The following NKAIN2 variants were observed in gnomAD, a reference collection of about 807,000 sequenced individuals.
The protein encoded by NKAIN2 is sodium/potassium transporting ATPase interacting 2.
A neutral mutation model predicts 32.6 loss-of-function variants in NKAIN2; 14 were observed. The observed-to-expected ratio is 0.43, with a 90% CI of 0.28 to 0.67. The LOEUF is 0.67. NKAIN2 is among the 30% of genes least tolerant of loss of function. NKAIN2 has a pLI of 0.17. For missense variants in NKAIN2, 198 were observed against 258.3 expected, an observed-to-expected ratio of 0.77 and a Z score of 1.60; for synonymous variants, 80 against 87.2, an observed-to-expected ratio of 0.92 and a Z score of 0.46.
chr6:124,506,991 C>T (rs1275929161), intron 3 of NKAIN2, among the ~76,000 whole-genome samples: 1 of 152,206 alleles, frequency 6.6e-6, no homozygotes, highest in African/African-American at 2.4e-5. Flanking sequence ...CTCCAAGTGA[C>T]TCATGGGAAC....
At chr6:124,149,734 G>T (rs1344835037) in intron 1 of NKAIN2, among the ~76,000 whole-genome samples, 1 of 152,108 alleles carries the variant, frequency 6.6e-6, no homozygotes, top group Non-Finnish European at 1.5e-5. Flanking sequence ...TACATACCCC[G>T]ATTTTGTTCT....
intron 1 of NKAIN2, among the ~76,000 whole-genome samples, chr6:124,151,906 AT>A (rs1164454177): frequency 1.3e-5 from 2 of 151,864 alleles, no homozygotes; most frequent in African/African-American, 4.8e-5. Flanking sequence ...AACTCTTTAT[AT>A]TTTTTCTATA....
chr6:124,244,224 A>G (rs1015800270), intron 1 of NKAIN2, among the ~76,000 whole-genome samples: 5 of 143,158 alleles, frequency 3.5e-5, no homozygotes, highest in East Asian at 2.2e-4. Context: ...ATATCTCCCA[A>G]AGCTATCCCT....
At chr6:123,900,759 G>A (rs9490994) in intron 1 of NKAIN2, among the ~76,000 whole-genome samples, 1 of 151,884 alleles carries the variant, frequency 6.6e-6, no homozygotes, top group East Asian at 1.9e-4. Context: ...TTTTATGTCA[G>A]AAGCTGACCA....
intron 3 of NKAIN2, among the ~76,000 whole-genome samples, chr6:124,471,189 G>T (rs1338973731): frequency 6.6e-6 from 1 of 152,068 alleles, no homozygotes; most frequent in Non-Finnish European, 1.5e-5. Context: ...GGTTGATAAG[G>T]TCATTTATAT....
chr6:124,553,945 TGA>T (rs1267065409), intron 3 of NKAIN2, among the ~76,000 whole-genome samples: 1 of 152,214 alleles, frequency 6.6e-6, no homozygotes, highest in Non-Finnish European at 1.5e-5. Context: ...AATTTTTATG[TGA>T]GTCTTGAGTA....
intron 2 of NKAIN2, among the ~76,000 whole-genome samples, chr6:124,289,157 A>G (rs1482599790): frequency 6.6e-6 from 1 of 152,316 alleles, no homozygotes; most frequent in South Asian, 2.1e-4. Flanking sequence ...ATAAAAAAGT[A>G]AATATTTCTT....
intron 1 of NKAIN2, among the ~76,000 whole-genome samples, chr6:124,153,735 TTAATTA>T (rs1183230143): frequency 6.6e-6 from 1 of 151,754 alleles, no homozygotes; most frequent in Non-Finnish European, 1.5e-5. Flanking sequence ...TTAAATTCAT[TTAATTA>T]TAATTGTTTA....
At chr6:124,212,401 T>C (rs1013183164) in intron 1 of NKAIN2, among the ~76,000 whole-genome samples, 2 of 152,102 alleles carry the variant, frequency 1.3e-5, no homozygotes, top group African/African-American at 2.4e-5. Flanking sequence ...ATGCTTAGAA[T>C]AATTTGGGCA....
chr6:124,016,907 G>C (rs1040742952), intron 1 of NKAIN2, among the ~76,000 whole-genome samples: 4 of 152,180 alleles, frequency 2.6e-5, no homozygotes, highest in Admixed American at 2.6e-4. Flanking sequence ...ACTTGTGGTA[G>C]ACTAAGATGA....
At chr6:124,062,298 A>AT (rs763376837) in intron 1 of NKAIN2, among the ~76,000 whole-genome samples, 9 of 152,184 alleles carry the variant, frequency 5.9e-5, no homozygotes, top group African/African-American at 1.2e-4. Context: ...AGTATAGGAC[A>AT]TTTTGTTGAT....
chr6:124,563,507 A>G (rs985599355), intron 3 of NKAIN2, among the ~76,000 whole-genome samples: 1 of 151,990 alleles, frequency 6.6e-6, no homozygotes, highest in Non-Finnish European at 1.5e-5. Context: ...CTCCTTTTGT[A>G]CTTTCCAGGA....
At chr6:124,685,875 A>T (rs975020145) in intron 4 of NKAIN2, among the ~76,000 whole-genome samples, 1 of 152,178 alleles carries the variant, frequency 6.6e-6, no homozygotes, top group Non-Finnish European at 1.5e-5. Context: ...AAAACAACAC[A>T]CATTCATTAT....
chr6:124,464,457 TA>T (rs1776661858), intron 3 of NKAIN2, among the ~76,000 whole-genome samples: 1 of 152,060 alleles, frequency 6.6e-6, no homozygotes. Flanking sequence ...CCTAAATTGT[TA>T]CTTAGTGAAG....
intron 2 of NKAIN2, among the ~76,000 whole-genome samples, chr6:124,354,682 T>A (rs1248586260): frequency 2.0e-5 from 3 of 152,130 alleles, no homozygotes; most frequent in African/African-American, 7.2e-5. Context: ...TGGTGGGTTG[T>A]ATCAGACATA....
chr6:124,079,922 G>C (rs1022554178), intron 1 of NKAIN2, among the ~76,000 whole-genome samples: 2 of 151,826 alleles, frequency 1.3e-5, no homozygotes, highest in Non-Finnish European at 2.9e-5. Flanking sequence ...GGTGGGGTTG[G>C]GGGGTGGCAT....
intron 3 of NKAIN2, among the ~76,000 whole-genome samples, chr6:124,547,529 C>G (rs550792040): frequency 6.6e-6 from 1 of 152,110 alleles, no homozygotes; most frequent in Non-Finnish European, 1.5e-5. Flanking sequence ...AAACAATTAT[C>G]CTTTACATTT....
chr6:124,062,933 G>A (rs761764724), intron 1 of NKAIN2, among the ~76,000 whole-genome samples: 2 of 152,070 alleles, frequency 1.3e-5, no homozygotes, highest in Non-Finnish European at 2.9e-5. Flanking sequence ...GGTGGCTCAC[G>A]CCTGTAATCC....
Position 124,229,501 on chromosome 6 carries a change from C to CAGACAGATAGAT in NKAIN2, c.55-53501_55-53500insCAGATAGATAGA, listed in dbSNP as rs1554269615. Among the ~76,000 whole-genome samples, 452 of 142,968 alleles carry CAGACAGATAGAT rather than the reference C, an allele frequency of 3.2e-3. 5 individuals are homozygous for CAGACAGATAGAT. The highest frequency in any genetic ancestry group is 7.3e-3 in the Middle Eastern group (2 of 274). 93.8% of individuals were successfully genotyped at this position (142,968 alleles called of 152,430 possible). A position where few individuals can be genotyped will look rare whatever the true frequency, so the allele number is the denominator to read the frequency against. On this transcript the variant is annotated intron_variant, in intron 1 of 6. Coordinates refer to ENST00000368417, the MANE Select transcript of NKAIN2 (RefSeq NM_001040214.3). ...TTTCAAAGATAGATAGATAGATAGACAGATAGATAGATAGATAGATAGATA... is the reference window on the plus strand; with the variant it reads ...TTTCAAAGATAGATAGATAGATAGACAGACAGATAGATAGATAGATAGATAGATAGATAGATA...
Sources: gnomAD v4.1 joint callset for allele counts (sites outside exome capture counted in the v4.1 genomes callset) on GRCh38, gnomAD v4.1.1 for gene constraint, MANE v1.5 for transcripts, NCBI Gene and HGNC (gene_info 2026-07-23, HGNC 2026-07-21) for gene names.